Variants in SLC25A26 observed in about 807,000 individuals in gnomAD.
The protein encoded by SLC25A26 is solute carrier family 25 member 26, also known as mitochondrial S-adenosylmethionine carrier protein.
Under a neutral mutation model 37.8 loss-of-function variants are expected in SLC25A26, and 36 were observed. The observed-to-expected ratio is 0.95, with a 90% CI of 0.73 to 1.26. SLC25A26 has a LOEUF of 1.26. Ranked by LOEUF, SLC25A26 falls within the 50% of genes most tolerant of loss-of-function variation. SLC25A26 has a pLI of 0.00. For missense variants in SLC25A26, 390 were observed against 331.1 expected (o/e 1.18, Z -1.38); for synonymous variants, 129 against 122.5 (o/e 1.05, Z -0.35).
At chr3:66,336,509 ATC>A (rs745797204) in intron 5 of SLC25A26, among the ~76,000 whole-genome samples, 6 of 152,168 alleles carry the variant, frequency 3.9e-5, no homozygotes, top group Non-Finnish European at 7.4e-5. Context: ...AACTAAAAAC[ATC>A]TGTTTCCTGA....
chr3:66,321,720 C>T (rs707009), intron 5 of SLC25A26, among the ~76,000 whole-genome samples: 84,821 of 151,026 alleles, frequency 0.56, 25,821 homozygotes, highest in East Asian at 0.79. Flanking sequence ...GGGGTTGTAT[C>T]ATGCTTTCTT....
At chr3:66,344,591 CT>C (rs1186345132) in intron 5 of SLC25A26, among the ~76,000 whole-genome samples, 1 of 152,252 alleles carries the variant, frequency 6.6e-6, no homozygotes, top group Non-Finnish European at 1.5e-5. Flanking sequence ...TCCACATTTA[CT>C]TTTCCCTTGC....
At chr3:66,267,015 G>A (rs1477113622) in intron 5 of SLC25A26, among the ~76,000 whole-genome samples, 1 of 152,196 alleles carries the variant, frequency 6.6e-6, no homozygotes, top group Non-Finnish European at 1.5e-5. Context: ...TCACTCAGCT[G>A]TCCTTTCTGG....
At chr3:66,296,204 A>G (rs955075648) in intron 5 of SLC25A26, among the ~76,000 whole-genome samples, 1 of 152,214 alleles carries the variant, frequency 6.6e-6, no homozygotes, top group African/African-American at 2.4e-5. Flanking sequence ...ATACTGACCA[A>G]TTCTCTGAAT....
At chr3:66,313,155 C>T (rs948264369) in intron 5 of SLC25A26, among the ~76,000 whole-genome samples, 2 of 152,110 alleles carry the variant, frequency 1.3e-5, no homozygotes, top group African/African-American at 4.8e-5. Flanking sequence ...TCAATTTTTG[C>T]TTTTGTTACT....
intron 5 of SLC25A26, among the ~76,000 whole-genome samples, chr3:66,293,704 T>C (rs1284644324): frequency 6.6e-6 from 1 of 152,210 alleles, no homozygotes; most frequent in African/African-American, 2.4e-5. Context: ...TCCATATTCC[T>C]GCAAAGGAAG....
intron 1 of SLC25A26, among the ~76,000 whole-genome samples, chr3:66,150,695 G>T (rs567701527): frequency 1.6e-5 from 2 of 124,728 alleles, no homozygotes; most frequent in Non-Finnish European, 3.3e-5. Flanking sequence ...GGATGAGTTT[G>T]GGCTGTATTA....
chr3:66,309,620 C>T (rs1240678320), intron 5 of SLC25A26, among the ~76,000 whole-genome samples: 2 of 152,064 alleles, frequency 1.3e-5, no homozygotes, highest in African/African-American at 2.4e-5. Context: ...TAGATCTTTC[C>T]CACTTTCGCC....
intron 5 of SLC25A26, among the ~76,000 whole-genome samples, chr3:66,297,858 C>T (rs1049563261): frequency 6.6e-6 from 1 of 152,168 alleles, no homozygotes; most frequent in Non-Finnish European, 1.5e-5. Flanking sequence ...CTGTGCTGTG[C>T]CTTAGATTAG....
At chr3:66,170,647 TAA>T (rs2070481785) in intron 1 of SLC25A26, among the ~76,000 whole-genome samples, 1 of 152,152 alleles carries the variant, frequency 6.6e-6, no homozygotes, top group Admixed American at 6.5e-5. Context: ...GTCACTTAAC[TAA>T]AGACACACAC....
chr3:66,195,895 T>TTTTC (rs2071037729), intron 1 of SLC25A26, among the ~76,000 whole-genome samples: 1 of 152,238 alleles, frequency 6.6e-6, no homozygotes, highest in African/African-American at 2.4e-5. Flanking sequence ...TGGCAAATTA[T>TTTTC]TTATGTAACA....
chr3:66,226,718 T>G (rs1485916136), intron 1 of SLC25A26, among the ~76,000 whole-genome samples: 2 of 152,166 alleles, frequency 1.3e-5, no homozygotes, highest in Non-Finnish European at 2.9e-5. Flanking sequence ...CTGACTCAGC[T>G]TCAAAGTGCT....
intron 5 of SLC25A26, among the ~76,000 whole-genome samples, chr3:66,315,705 A>G (rs1186592865): frequency 2.6e-5 from 4 of 152,156 alleles, no homozygotes; most frequent in Admixed American, 1.3e-4. Context: ...TATCCTTGAT[A>G]GTAGGGTATT....
chr3:66,254,229 CTT>C (rs1313485825), intron 3 of SLC25A26, among the ~76,000 whole-genome samples: 1 of 152,106 alleles, frequency 6.6e-6, no homozygotes, highest in Non-Finnish European at 1.5e-5. Context: ...AGATGGCAGA[CTT>C]GACACACAAA....
At chr3:66,260,790 T>A (rs754005336) in intron 3 of SLC25A26, among the ~76,000 whole-genome samples, 2 of 152,208 alleles carry the variant, frequency 1.3e-5, no homozygotes, top group Non-Finnish European at 2.9e-5. Context: ...AATTTATATA[T>A]TATTATGTAT....
intron 1 of SLC25A26, among the ~76,000 whole-genome samples, chr3:66,169,479 G>T (rs2106728535): frequency 6.6e-6 from 1 of 152,284 alleles, no homozygotes; most frequent in African/African-American, 2.4e-5. Context: ...TGACTCTCCA[G>T]GGATGCCTTC....
chr3:66,219,974 C>T (rs147263671), upstream of SLC25A26, among the ~76,000 whole-genome samples: 1,016 of 152,184 alleles, frequency 6.7e-3, 7 homozygotes, highest in African/African-American at 0.022. Flanking sequence ...AGCTATTCTG[C>T]GTATCATTTC....
chr3:66,214,625 G>C (rs1343065392), intron 1 of SLC25A26, among the ~76,000 whole-genome samples: 2 of 151,940 alleles, frequency 1.3e-5, no homozygotes, highest in Non-Finnish European at 2.9e-5. Flanking sequence ...TTCTACTTTT[G>C]TGATCTTTAC....
At chr3:66,346,762 T>TC (rs2076335995) in intron 6 of SLC25A26, among the ~76,000 whole-genome samples, 1 of 102,392 alleles carries the variant, frequency 9.8e-6, no homozygotes, top group Non-Finnish European at 2.2e-5. Context: ...GTGTGTGTGT[T>TC]TAGAAGTTAA....
Sources: allele counts gnomAD v4.1 joint callset (sites outside exome capture counted in the v4.1 genomes callset), GRCh38; gene constraint gnomAD v4.1.1; transcripts MANE v1.5; gene names NCBI Gene and HGNC (gene_info 2026-07-23, HGNC 2026-07-21).